The following NDST3 variants were observed in gnomAD, a reference collection of about 807,000 sequenced individuals.
NDST3 encodes bifunctional heparan sulfate N-deacetylase/N-sulfotransferase 3.
A neutral mutation model predicts 96.1 loss-of-function variants in NDST3; 58 were observed. The ratio of observed to expected loss-of-function variants is 0.60; its 90% confidence interval spans 0.49 to 0.75. The LOEUF (loss-of-function observed/expected upper bound fraction) is 0.75. NDST3 is among the 30% of genes least tolerant of loss of function. NDST3 has a pLI of 0.00. For synonymous variants in NDST3, 333 were observed against 359.7 expected, an observed-to-expected ratio of 0.93 and a Z score of 0.84; for missense variants, 788 against 1,034.2, an observed-to-expected ratio of 0.76 and a Z score of 3.27.
chr4:118,167,358 A>C (rs1033450627), intron 6 of NDST3, among the ~76,000 whole-genome samples: 34 of 152,044 alleles, frequency 2.2e-4, no homozygotes, highest in African/African-American at 6.5e-4. Context: ...GTCCCAAGTC[A>C]GTAAGCAACT....
intron 4 of NDST3, 25 bp from the exon 5 acceptor site, chr4:118,138,029 C>T (rs779696632): frequency 6.4e-7 from 1 of 1,554,704 alleles, no homozygotes; most frequent in South Asian, 1.2e-5. Context: ...TTTACACGCT[C>T]CAATTAACAT....
chr4:118,212,548 T>C (rs1738870817), intron 6 of NDST3, among the ~76,000 whole-genome samples: 1 of 152,156 alleles, frequency 6.6e-6, no homozygotes, highest in Non-Finnish European at 1.5e-5. Flanking sequence ...TTTCATTCAT[T>C]CTTTTATAAA....
intron 6 of NDST3, among the ~76,000 whole-genome samples, chr4:118,186,722 C>T (rs1404042730): frequency 1.3e-5 from 2 of 152,182 alleles, no homozygotes; most frequent in African/African-American, 2.4e-5. Context: ...TCAATCCAGT[C>T]AAGTTGACAC....
At chr4:118,204,644 T>C (rs1302876272) in intron 6 of NDST3, among the ~76,000 whole-genome samples, 2 of 144,754 alleles carry the variant, frequency 1.4e-5, no homozygotes, top group African/African-American at 5.1e-5. Flanking sequence ...GAAATCTTTA[T>C]GCCAAACTTA....
At chr4:118,176,858 A>G (rs1039437982) in intron 6 of NDST3, among the ~76,000 whole-genome samples, 1 of 152,110 alleles carries the variant, frequency 6.6e-6, no homozygotes, top group African/African-American at 2.4e-5. Context: ...ATTATGCAGC[A>G]TCAACTTGAA....
At chr4:118,180,099 T>A (rs1294007035) in intron 6 of NDST3, among the ~76,000 whole-genome samples, 2 of 152,086 alleles carry the variant, frequency 1.3e-5, no homozygotes, top group Non-Finnish European at 2.9e-5. Flanking sequence ...AGGGTTTGTT[T>A]GTTTTTTTAA....
At position 118,138,060 on chromosome 4, in the gene NDST3, G is replaced by A. The variant is rs1344144818; in HGVS notation, c.1231G>A (p.Gly411Ser). 1.8e-5 allele frequency: 29 copies of A among 1,605,348 alleles called. No homozygotes were observed. Among genetic ancestry groups the A allele is most frequent in the Middle Eastern group, 3.3e-4 (2 of 6,014 alleles). ...AACATTTGCTTGGTCTTAGGAGCAC[G>A]GCATTCCAACGGACATGGGCTACGC... ...ILNKKFALEH[G>S]IPTDMGYAVA... Residue 411 changes from glycine (G) to serine (S), a missense_variant, in exon 5 of 14, where the codon GGC becomes AGC. Transcript: ENST00000296499.
chr4:118,253,197 C>T (rs552816361), intron 12 of NDST3, among the ~76,000 whole-genome samples: 1 of 152,074 alleles, frequency 6.6e-6, no homozygotes, highest in South Asian at 2.1e-4. Flanking sequence ...GCATTTTTTC[C>T]TTCCAGATGA....
At chr4:118,115,012 G>A (rs915018052) in intron 4 of NDST3, 52 bp downstream of exon 4, 1 of 1,561,480 alleles carries the variant, frequency 6.4e-7, no homozygotes. Context: ...TTGGAGAAAT[G>A]AAAAGATTCT....
intron 12 of NDST3, among the ~76,000 whole-genome samples, chr4:118,244,147 C>T (rs1037173547): frequency 1.3e-5 from 2 of 152,112 alleles, no homozygotes; most frequent in Non-Finnish European, 2.9e-5. Context: ...CATCAATTGG[C>T]CTGACATACC....
At chr4:118,191,325 A>G (rs919650424) in intron 6 of NDST3, among the ~76,000 whole-genome samples, 3 of 152,252 alleles carry the variant, frequency 2.0e-5, no homozygotes, top group Non-Finnish European at 4.4e-5. Flanking sequence ...ACATAGGCAG[A>G]CATCTTACAA....
Position 118,236,393 on chromosome 4 carries a change from A to G in NDST3, c.1944-653A>G, listed in dbSNP as rs894586636. Reference sequence around the variant, plus strand: ...ATTCTCTCTACCCATGAGGATATAGAACATGACCTTGGGAAATTTGTTAGA... The same window carrying G: ...ATTCTCTCTACCCATGAGGATATAGGACATGACCTTGGGAAATTTGTTAGA... On this transcript the variant is annotated intron_variant, in intron 9 of 13. Transcript: ENST00000296499. Among the ~76,000 whole-genome samples, 12 of 152,322 alleles carry G rather than the reference A, an allele frequency of 7.9e-5. No individual in the cohort carries two copies. The East Asian group carries it at 1.9e-3, about 24-fold the overall frequency.
At chr4:118,196,296 C>T (rs1414011629) in intron 6 of NDST3, among the ~76,000 whole-genome samples, 3 of 152,110 alleles carry the variant, frequency 2.0e-5, no homozygotes, top group Non-Finnish European at 4.4e-5. Flanking sequence ...AGATACTGGC[C>T]TGTAGTTTTC....
intron 3 of NDST3, among the ~76,000 whole-genome samples, chr4:118,108,200 T>C: frequency 6.6e-6 from 1 of 152,206 alleles, no homozygotes; most frequent in East Asian, 1.9e-4. Context: ...ATGGGGATTA[T>C]TACAACTCAG....
In NDST3 at chr4:118,105,111, A is replaced by G. The variant is rs745375050; in HGVS notation, c.1069+6A>G. On this transcript the variant is annotated splice_donor_region_variant and intron_variant, in intron 3 of 13. Transcript: ENST00000296499. Reference sequence around the variant, plus strand: ...AGGGAAATTTTACCATACAGGTAAGAAAAAGGGATTAACTGTTCTCATTAA... The same window carrying G: ...AGGGAAATTTTACCATACAGGTAAGGAAAAGGGATTAACTGTTCTCATTAA... 1.9e-6 allele frequency: 3 copies of G among 1,601,870 alleles called. No homozygotes were observed. The highest frequency in any genetic ancestry group is 2.6e-6 in the Non-Finnish European group (3 of 1,169,314).
chr4:118,231,441 CTAT>C (rs1295235196), intron 8 of NDST3, among the ~76,000 whole-genome samples: 4 of 150,300 alleles, frequency 2.7e-5, no homozygotes, highest in East Asian at 1.9e-4. Context: ...ATTTATACTA[CTAT>C]TATTTAATTA....
intron 12 of NDST3, among the ~76,000 whole-genome samples, chr4:118,252,434 G>T (rs1248421978): frequency 6.6e-6 from 1 of 152,184 alleles, no homozygotes; most frequent in Admixed American, 6.5e-5. Context: ...GTTTACAAGA[G>T]CCAAACAGTA....
chr4:118,137,978 C>A, intron 4 of NDST3, 76 bp from the exon 5 acceptor site: 1 of 1,214,396 alleles, frequency 8.2e-7, no homozygotes, highest in East Asian at 2.4e-5. Flanking sequence ...ATTTACAGTA[C>A]ATTTGAAAAT....
At chr4:118,241,898 G>A (rs1206595745) in intron 11 of NDST3, 142 bp from the exon 12 acceptor site, 6 of 525,878 alleles carry the variant, frequency 1.1e-5, no homozygotes, top group Non-Finnish European at 2.1e-5. Flanking sequence ...TAATGAGGAT[G>A]ACCTGGATTC....
Sources: allele counts gnomAD v4.1 joint callset (sites outside exome capture counted in the v4.1 genomes callset), GRCh38; gene constraint gnomAD v4.1.1; transcripts MANE v1.5; gene names NCBI Gene and HGNC (gene_info 2026-07-23, HGNC 2026-07-21).